KIF1A: variants seen among roughly 807,000 people sequenced by gnomAD.
KIF1A encodes the protein kinesin-like protein KIF1A.
KIF1A carries 46 observed loss-of-function variants against 227.3 expected under a neutral mutation model. The ratio of observed to expected loss-of-function variants is 0.20; its 90% CI spans 0.16 to 0.26. The LOEUF is 0.26. KIF1A is among the 10% of genes least tolerant of loss of function. KIF1A has a pLI of 1.00. For synonymous variants in KIF1A, 1,022 were observed against 1,012.8 expected (o/e 1.01, Z -0.17); for missense variants, 1,683 against 2,485.9 (o/e 0.68, Z 6.87).
chr2:240,745,642 C>T lies in KIF1A; in HGVS notation c.3374+96G>A, dbSNP rs561972219. 7.9e-6 allele frequency: 12 copies of T among 1,517,890 alleles called. No homozygotes were observed. The Admixed American group carries it at 1.2e-4, about 15-fold the overall frequency. 94.0% of individuals were successfully genotyped at this position (1,517,890 alleles called of 1,614,324 possible). On this transcript the variant is annotated intron_variant, in intron 31 of 48. Coordinates refer to ENST00000498729, the MANE Select transcript of KIF1A (RefSeq NM_001244008.2). Reference sequence around the variant, plus strand: ...GCCTGCGGGCTGGGCCAACACAGCACCAACATGGCCTGCTCCCTGCCCAGC... The same window carrying T: ...GCCTGCGGGCTGGGCCAACACAGCATCAACATGGCCTGCTCCCTGCCCAGC...
chr2:240,719,657 T>C (rs1343695871), intron 46 of KIF1A, 117 bp downstream of exon 46: 13 of 1,228,668 alleles, frequency 1.1e-5, no homozygotes, highest in Non-Finnish European at 5.5e-6. Flanking sequence ...TCAGGCAACC[T>C]GTCTGTCTCC....
In KIF1A at chr2:240,783,129, T is replaced by G; in HGVS notation, c.799-20A>C. On this transcript the variant is annotated intron_variant, in intron 8 of 48. Coordinates refer to ENST00000498729, the MANE Select transcript of KIF1A (RefSeq NM_001244008.2). ...CCCCTCCTGCGGGCAGAAAAGACAG[T>G]GGGGTTGGGATGCTGGGGACCCGTG... The G allele has an allele frequency of 6.2e-7, 1 of 1,607,992 alleles. No homozygotes were observed. Among genetic ancestry groups the G allele is most frequent in the Non-Finnish European group, 8.5e-7 (1 of 1,174,728 alleles).
rs756068958 is a variant in KIF1A, at chr2:240,788,153, C to T, written c.261G>A (p.Glu87=). ...AGGCGAAGATGCACACGTTGTATCC[C>T]TCAAAGGCATGCTGCAGCATCTCCT... ...IGEEMLQHAF[E]GYNVCIFAYG... Residue 87 remains glutamate (E), a synonymous_variant, in exon 4 of 49, where the codon GAG becomes GAA. Coordinates refer to ENST00000498729, the MANE Select transcript of KIF1A (RefSeq NM_001244008.2). This position sits in a 1 kb window ranked among gnomAD's most constrained non-coding sequence, Gnocchi z 6.6. 5.6e-6 allele frequency: 9 copies of T among 1,613,532 alleles called. No individual in the cohort carries two copies. The highest frequency in any genetic ancestry group is 7.6e-6 in the Non-Finnish European group (9 of 1,179,798).
In KIF1A at chr2:240,757,659, C is replaced by A; in HGVS notation, c.2583-65G>T. 2.1e-6 allele frequency: 3 copies of A among 1,423,952 alleles called. No homozygotes were observed. Among genetic ancestry groups the A allele is most frequent in the South Asian group, 1.3e-5 (1 of 76,866 alleles). The allele number at this position is 1,423,952 out of a possible 1,614,324, so 88.2% of individuals were successfully genotyped here. A position where few individuals can be genotyped will look rare whatever the true frequency, so the allele number is the denominator to read the frequency against. On this transcript the variant is annotated intron_variant, in intron 26 of 48. Coordinates refer to ENST00000498729, the MANE Select transcript of KIF1A (RefSeq NM_001244008.2). The surrounding 1 kb of genome is among the most constrained non-coding windows in gnomAD (Gnocchi z 6.2). The stretch of plus-strand genomic sequence containing the variant: ...GCGACTCGCAGGGACGAACAGGGGC[C>A]GGGGCCGGGGCTGGGGGGCTTCTGT...
chr2:240,747,140 G>T (rs2048695514), intron 29 of KIF1A, 96 bp downstream of exon 29: 2 of 827,050 alleles, frequency 2.4e-6, no homozygotes, highest in Admixed American at 4.3e-5. Context: ...CAGGGCCCGT[G>T]GGATGGGACA....
Position 240,819,186 on chromosome 2 carries a change from C to T in KIF1A, c.-61+936G>A, listed in dbSNP as rs539471129. Among the ~76,000 whole-genome samples, 6 of 152,286 alleles carry T rather than the reference C, an allele frequency of 3.9e-5. No individual in the cohort carries two copies. The South Asian group carries it at 1.2e-3, about 32-fold the overall frequency. On this transcript the variant is annotated intron_variant, in intron 1 of 48. Transcript: ENST00000498729. ...GGCCCTTCCCAGCGAGAGGGCAGCG[C>T]GGCTGGTTTGGGGGAAGTCAGCGTG...
intron 27 of KIF1A, among the ~76,000 whole-genome samples, chr2:240,750,764 C>T (rs765626691): frequency 7.2e-5 from 11 of 152,056 alleles, no homozygotes; most frequent in African/African-American, 1.7e-4. Flanking sequence ...GAGAGGAGGA[C>T]GAGGAATGAG....
At chr2:240,732,183 G>A (rs1244645274) in intron 38 of KIF1A, among the ~76,000 whole-genome samples, 1 of 91,334 alleles carries the variant, frequency 1.1e-5, no homozygotes, top group Non-Finnish European at 2.2e-5. Flanking sequence ...AGGGAGGAGA[G>A]AATGAGCGGT....
chr2:240,747,434 A>C (rs1575566370), intron 28 of KIF1A, 113 bp from the exon 29 acceptor site: 2 of 740,618 alleles, frequency 2.7e-6, no homozygotes, highest in East Asian at 2.7e-5. Context: ...GAGCCAGAGC[A>C]GGCAGCAGAC....
In KIF1A at chr2:240,726,621, AAC is replaced by A. The variant is rs1045483489; in HGVS notation, c.4122+203_4122+204del. On this transcript the variant is annotated intron_variant, in intron 39 of 48. Transcript: ENST00000498729. This position sits in a 1 kb window ranked among gnomAD's most constrained non-coding sequence, Gnocchi z 5.2. ...GACTCGGTCTCAAAAACAAAAAAAA[AAC>A]AGCACATGGATTTATGGATTTATGG... Among the ~76,000 whole-genome samples the A allele has an allele frequency of 1.3e-5, 2 of 152,214 alleles. No individual in the cohort carries two copies. Among genetic ancestry groups the A allele is most frequent in the Non-Finnish European group, 2.9e-5 (2 of 68,020 alleles).
At position 240,752,556 on chromosome 2, in the gene KIF1A, G is replaced by T. The variant is rs1332200519; in HGVS notation, c.2859-2009C>A. On this transcript the variant is annotated intron_variant, in intron 27 of 48. Transcript: ENST00000498729. The surrounding 1 kb of genome is among the most constrained non-coding windows in gnomAD (Gnocchi z 6.4). ...CAAAGCTAAGTTGTCCAGGAGTGGG[G>T]GTGGGGAGAGCCAGAACTTGGGCCG... is the stretch of plus-strand genomic sequence containing the variant. 6.6e-6 allele frequency among the ~76,000 whole-genome samples: 1 copy of T among 152,096 alleles called. No individual in the cohort carries two copies. The highest frequency in any genetic ancestry group is 1.9e-4 in the East Asian group (1 of 5,170).
At chr2:240,768,116 C>T (rs1257805989) in intron 17 of KIF1A, among the ~76,000 whole-genome samples, 1 of 152,208 alleles carries the variant, frequency 6.6e-6, no homozygotes, top group Non-Finnish European at 1.5e-5. Context: ...CCCAAGAACA[C>T]TGAACTTCTC....
intron 46 of KIF1A, 145 bp from the exon 47 acceptor site, chr2:240,719,343 C>T (rs1002035301): frequency 1.2e-6 from 1 of 860,876 alleles, no homozygotes; most frequent in Admixed American, 2.9e-5. Flanking sequence ...CGAAGGGCAC[C>T]TGGCAGAACC....
intron 33 of KIF1A, among the ~76,000 whole-genome samples, chr2:240,743,622 GGCA>G (rs1276985911): frequency 2.0e-5 from 3 of 152,178 alleles, no homozygotes; most frequent in Non-Finnish European, 4.4e-5. Context: ...GTCCTCGGTG[GGCA>G]GCAGAAGTGG....
At chr2:240,795,325 T>G (rs1054530738) in intron 2 of KIF1A, among the ~76,000 whole-genome samples, 5 of 152,174 alleles carry the variant, frequency 3.3e-5, no homozygotes, top group Non-Finnish European at 2.9e-5. Flanking sequence ...GGTGTCTCGC[T>G]TCAGGTTTCA....
At position 240,716,644 on chromosome 2, in the gene KIF1A, T is replaced by C. The variant is rs1231402597; in HGVS notation, c.*720A>G. Reference sequence around the variant, plus strand: ...CTCAGGTGGCCGCCCAGAAGAGATGTGCGTTCTCCCTCCCACCAGAGGAAC... The same window carrying C: ...CTCAGGTGGCCGCCCAGAAGAGATGCGCGTTCTCCCTCCCACCAGAGGAAC... On this transcript the variant is annotated 3_prime_UTR_variant, in exon 49 of 49. Coordinates refer to ENST00000498729, the MANE Select transcript of KIF1A (RefSeq NM_001244008.2). 4 of 152,206 alleles carry C rather than the reference T, an allele frequency of 2.6e-5. No individual in the cohort carries two copies. The highest frequency in any genetic ancestry group is 9.7e-5 in the African/African-American group (4 of 41,368). 9.4% of individuals were successfully genotyped at this position (152,206 alleles called of 1,614,324 possible). A position where few individuals can be genotyped will look rare whatever the true frequency, so the allele number is the denominator to read the frequency against.
At chr2:240,727,206 G>A (rs990086513) in intron 38 of KIF1A, among the ~76,000 whole-genome samples, 20 of 152,068 alleles carry the variant, frequency 1.3e-4, no homozygotes, top group African/African-American at 4.6e-4. Context: ...CAGCTGTCAC[G>A]CTGAGGCTGG....
chr2:240,780,646 C>A (rs1194876468), intron 10 of KIF1A, among the ~76,000 whole-genome samples: 2 of 151,960 alleles, frequency 1.3e-5, no homozygotes, highest in Non-Finnish European at 2.9e-5. Context: ...TACCCTCAGG[C>A]CCCCAGAGTT....
intron 1 of KIF1A, among the ~76,000 whole-genome samples, chr2:240,812,142 G>T (rs930909970): frequency 6.6e-6 from 1 of 152,220 alleles, no homozygotes; most frequent in African/African-American, 2.4e-5. Context: ...GGCACAGAGG[G>T]CAGGGTGGCC....
Sources: gnomAD v4.1 joint callset for allele counts (sites outside exome capture counted in the v4.1 genomes callset) on GRCh38, gnomAD v4.1.1 for gene constraint, Gnocchi (gnomAD v3.1) non-coding constraint, MANE v1.5 for transcripts, NCBI Gene and HGNC (gene_info 2026-07-23, HGNC 2026-07-21) for gene names.